Variants in HS6ST3 observed in about 807,000 individuals in gnomAD.
HS6ST3 encodes the protein heparan sulfate 6-O-sulfotransferase 3.
Under a neutral mutation model 36.7 loss-of-function variants are expected in HS6ST3, and 12 were observed. The observed-to-expected ratio is 0.33, with a 90% CI of 0.21 to 0.53. HS6ST3 has a LOEUF of 0.53. Ranked by LOEUF, HS6ST3 falls within the 20% of genes least tolerant of loss-of-function variation. The pLI is 0.95. For missense variants in HS6ST3, 584 were observed against 640.9 expected (o/e 0.91, Z 0.96); for synonymous variants, 240 against 257.5 (o/e 0.93, Z 0.65).
intron 1 of HS6ST3, among the ~76,000 whole-genome samples, chr13:96,410,788 A>G (rs1350153777): frequency 2.2e-4 from 34 of 152,246 alleles, no homozygotes; most frequent in Admixed American, 2.2e-3. Flanking sequence ...GAATACAGAT[A>G]AATAACAAGA....
chr13:96,698,605 G>A (rs1594839228), intron 1 of HS6ST3, among the ~76,000 whole-genome samples: 1 of 152,258 alleles, frequency 6.6e-6, no homozygotes, highest in Non-Finnish European at 1.5e-5. Context: ...AATAAAATGA[G>A]AGGATACAAA....
chr13:96,645,522 T>A (rs2056585648), intron 1 of HS6ST3, among the ~76,000 whole-genome samples: 1 of 151,318 alleles, frequency 6.6e-6, no homozygotes, highest in South Asian at 2.1e-4. Context: ...AAATATAATA[T>A]TGATTTGAGA....
At chr13:96,659,781 C>T (rs903906634) in intron 1 of HS6ST3, among the ~76,000 whole-genome samples, 1 of 152,014 alleles carries the variant, frequency 6.6e-6, no homozygotes, top group South Asian at 2.1e-4. Flanking sequence ...TTTAGTGGCA[C>T]CTTTGTCACA....
At chr13:96,479,373 G>A (rs895125369) in intron 1 of HS6ST3, among the ~76,000 whole-genome samples, 3 of 152,288 alleles carry the variant, frequency 2.0e-5, no homozygotes, top group Non-Finnish European at 4.4e-5. Flanking sequence ...AGAGGGGAAC[G>A]ATTAGGAGGC....
At chr13:96,468,582 A>G (rs2055825824) in intron 1 of HS6ST3, among the ~76,000 whole-genome samples, 1 of 152,046 alleles carries the variant, frequency 6.6e-6, no homozygotes, top group Admixed American at 6.6e-5. Flanking sequence ...AGTAAAAGAC[A>G]TGCTGTTGCA....
At chr13:96,501,538 G>A (rs1259565434) in intron 1 of HS6ST3, among the ~76,000 whole-genome samples, 1 of 152,104 alleles carries the variant, frequency 6.6e-6, no homozygotes, top group East Asian at 1.9e-4. Context: ...ACTTCATAGG[G>A]CAGTTGTGAG....
chr13:96,776,818 A>G (rs1877398067), intron 1 of HS6ST3, among the ~76,000 whole-genome samples: 2 of 152,102 alleles, frequency 1.3e-5, no homozygotes, highest in Non-Finnish European at 2.9e-5. Flanking sequence ...AGAAACAGAC[A>G]GACTCCTCCC....
At chr13:96,401,958 C>T (rs1232492132) in intron 1 of HS6ST3, among the ~76,000 whole-genome samples, 1 of 152,182 alleles carries the variant, frequency 6.6e-6, no homozygotes, top group Admixed American at 6.5e-5. Flanking sequence ...TTATGAACTA[C>T]TTAGGACTCT....
chr13:96,227,982 G>A (rs1389733179), intron 1 of HS6ST3, among the ~76,000 whole-genome samples: 1 of 152,150 alleles, frequency 6.6e-6, no homozygotes, highest in Non-Finnish European at 1.5e-5. Context: ...CATGGGAATA[G>A]GAGAGGTATG....
intron 1 of HS6ST3, among the ~76,000 whole-genome samples, chr13:96,568,609 T>C (rs987825649): frequency 5.3e-5 from 8 of 152,226 alleles, no homozygotes; most frequent in Non-Finnish European, 7.3e-5. Flanking sequence ...TTCAATTTCA[T>C]CACATATTTC....
At chr13:96,404,291 A>G (rs1594772913) in intron 1 of HS6ST3, among the ~76,000 whole-genome samples, 1 of 152,262 alleles carries the variant, frequency 6.6e-6, no homozygotes, top group East Asian at 1.9e-4. Context: ...AGTGCCTTAT[A>G]TGCCCGTAGG....
intron 1 of HS6ST3, among the ~76,000 whole-genome samples, chr13:96,464,019 GTTT>G (rs66703746): frequency 0.013 from 1,701 of 127,334 alleles, 13 homozygotes; most frequent in Middle Eastern, 0.053. Context: ...CCATAGACAG[GTTT>G]TTTTTTTTTT....
intron 1 of HS6ST3, among the ~76,000 whole-genome samples, chr13:96,174,611 C>A (rs2054204148): frequency 6.6e-6 from 1 of 152,088 alleles, no homozygotes. Context: ...CTTTCTCTCT[C>A]CCCATTTTTA....
intron 1 of HS6ST3, among the ~76,000 whole-genome samples, chr13:96,478,571 C>T (rs2055875324): frequency 6.6e-6 from 1 of 152,024 alleles, no homozygotes; most frequent in African/African-American, 2.4e-5. Flanking sequence ...GATCTCACTT[C>T]CAGGTGTTTC....
chr13:96,190,061 C>A (rs2054281988), intron 1 of HS6ST3, among the ~76,000 whole-genome samples: 1 of 152,084 alleles, frequency 6.6e-6, no homozygotes, highest in Non-Finnish European at 1.5e-5. Flanking sequence ...TTTATTGAAC[C>A]ATGTAGTAGG....
intron 1 of HS6ST3, among the ~76,000 whole-genome samples, chr13:96,205,978 A>G (rs2054368258): frequency 6.6e-6 from 1 of 152,214 alleles, no homozygotes; most frequent in Non-Finnish European, 1.5e-5. Context: ...ATCAGGCAAG[A>G]GAAAGAAATA....
At chr13:96,531,744 T>C (rs1054550307) in intron 1 of HS6ST3, among the ~76,000 whole-genome samples, 1 of 152,202 alleles carries the variant, frequency 6.6e-6, no homozygotes, top group Non-Finnish European at 1.5e-5. Context: ...CCTTATCTCA[T>C]AGAATTACTT....
chr13:96,112,246 T>C (rs191717215), intron 1 of HS6ST3, among the ~76,000 whole-genome samples: 4 of 152,250 alleles, frequency 2.6e-5, no homozygotes, highest in Admixed American at 2.0e-4. Flanking sequence ...CAGCAAACTC[T>C]TTTAGATCTG....
rs1382476355 is a variant in HS6ST3 at position 96,606,411 on chromosome 13, T to C, written c.708-226079T>C. ...CAGCCATTAAAAAAGAATGAAATCATGTCAGTCACAGCAACAGGAATGCAG... is the reference window on the plus strand; with the variant it reads ...CAGCCATTAAAAAAGAATGAAATCACGTCAGTCACAGCAACAGGAATGCAG... On this transcript the variant is annotated intron_variant, in intron 1 of 1. Transcript: ENST00000376705. Among the ~76,000 whole-genome samples the C allele has an allele frequency of 2.6e-5, 4 of 152,168 alleles. No homozygotes were observed. In the East Asian group the frequency reaches 5.8e-4, roughly 22 times the overall value.
Sources: allele counts gnomAD v4.1 joint callset (sites outside exome capture counted in the v4.1 genomes callset), GRCh38; gene constraint gnomAD v4.1.1; transcripts MANE v1.5; gene names NCBI Gene and HGNC (gene_info 2026-07-23, HGNC 2026-07-21).